Variants in CHMP4B observed in about 807,000 individuals in gnomAD.
The protein encoded by CHMP4B is charged multivesicular body protein 4B, also known as SNF7 homolog associated with Alix 1.
CHMP4B carries 1 observed loss-of-function variant against 25.1 expected under a neutral mutation model. The observed-to-expected ratio is 0.04, with a 90% CI of 0.01 to 0.19. The LOEUF (loss-of-function observed/expected upper bound fraction) is 0.19, where lower values mean the gene tolerates loss of function less well. Ranked by LOEUF, CHMP4B falls within the 10% of genes least tolerant of loss-of-function variation. The pLI is 1.00. For synonymous variants in CHMP4B, 101 were observed against 115.6 expected (o/e 0.87, Z 0.81); for missense variants, 151 against 289.7 (o/e 0.52, Z 3.48).
chr20:33,836,753 G>A (rs974315214), intron 1 of CHMP4B, among the ~76,000 whole-genome samples: 11 of 152,114 alleles, frequency 7.2e-5, no homozygotes, highest in African/African-American at 2.7e-4. Flanking sequence ...AAGTTGCTGG[G>A]CTCTGCCTGG....
At chr20:33,851,110 C>A in intron 3 of CHMP4B, 44 bp downstream of exon 3, 1 of 1,208,948 alleles carries the variant, frequency 8.3e-7, no homozygotes, top group Non-Finnish European at 1.2e-6. Context: ...CAAATGATAC[C>A]CTGAGGCTGT....
At chr20:33,817,624 G>A (rs1238877770) in intron 1 of CHMP4B, among the ~76,000 whole-genome samples, 2 of 152,204 alleles carry the variant, frequency 1.3e-5, no homozygotes, top group African/African-American at 2.4e-5. Flanking sequence ...CCAGAGCCTT[G>A]ACATGAAGCC....
chr20:33,840,803 A>C (rs1229370124), intron 1 of CHMP4B, among the ~76,000 whole-genome samples: 1 of 152,192 alleles, frequency 6.6e-6, no homozygotes, highest in East Asian at 1.9e-4. Flanking sequence ...CAACATTTAC[A>C]TGTCATGCCC....
intron 1 of CHMP4B, among the ~76,000 whole-genome samples, chr20:33,827,048 T>A (rs1979114008): frequency 6.6e-6 from 1 of 152,174 alleles, no homozygotes; most frequent in Non-Finnish European, 1.5e-5. Context: ...TGATCTACTA[T>A]CCCATTCCCA....
rs869195099 is a variant in CHMP4B at position 33,841,723 on chromosome 20, CT to C, written c.191-6738del. On this transcript the variant is annotated intron_variant, in intron 1 of 4. Transcript: ENST00000217402. ...GCCCGATTAGCACCTCTTTCCCATT[CT>C]TTTTTCCCCCCCTTCTATCTGGGGA... 7.9e-5 allele frequency among the ~76,000 whole-genome samples: 12 copies of C among 152,274 alleles called. No homozygotes were observed. The South Asian group carries it at 1.7e-3, about 21-fold the overall frequency.
At chr20:33,815,922 G>A (rs1247584939) in intron 1 of CHMP4B, among the ~76,000 whole-genome samples, 1 of 152,190 alleles carries the variant, frequency 6.6e-6, no homozygotes, top group Non-Finnish European at 1.5e-5. Flanking sequence ...GTGTGGTGCT[G>A]AGTAGGGGAA....
At chr20:33,842,770 C>T (rs1291566083) in intron 1 of CHMP4B, among the ~76,000 whole-genome samples, 1 of 152,194 alleles carries the variant, frequency 6.6e-6, no homozygotes, top group African/African-American at 2.4e-5. Flanking sequence ...ACTCTGGGGT[C>T]TTCAGAAGGA....
At chr20:33,824,582 A>G (rs1270208358) in intron 1 of CHMP4B, among the ~76,000 whole-genome samples, 1 of 152,236 alleles carries the variant, frequency 6.6e-6, no homozygotes, top group Non-Finnish European at 1.5e-5. Flanking sequence ...TCGCTACATC[A>G]ACATTGTGCA....
chr20:33,854,364 A>G lies in CHMP4B; in HGVS notation c.*804A>G, dbSNP rs1290605254. On this transcript the variant is annotated 3_prime_UTR_variant, in exon 5 of 5. Transcript: ENST00000217402. ...CTATTAAATATCTCGATTAATTTTC[A>G]TACTTTGCTGTTGTGTTTAATCTAT... The G allele has an allele frequency of 6.5e-6, 1 of 152,704 alleles. No homozygotes were observed. The highest frequency in any genetic ancestry group is 6.5e-5 in the Admixed American group (1 of 15,290). The allele number at this position is 152,704 out of a possible 1,614,324, so 9.5% of individuals were successfully genotyped here. A position where few individuals can be genotyped will look rare whatever the true frequency, so the allele number is the denominator to read the frequency against.
At chr20:33,853,367 C>G in intron 4 of CHMP4B, 129 bp from the exon 5 acceptor site, 1 of 821,732 alleles carries the variant, frequency 1.2e-6, no homozygotes, top group Non-Finnish European at 2.1e-6. Flanking sequence ...TCCCTACAGC[C>G]TGGAGAGGAG....
At chr20:33,853,446 C>A in intron 4 of CHMP4B, 50 bp from the exon 5 acceptor site, 2 of 1,557,930 alleles carry the variant, frequency 1.3e-6, no homozygotes, top group Non-Finnish European at 1.8e-6. Context: ...CCGGCCAGAA[C>A]ATGTTGAACG....
intron 1 of CHMP4B, among the ~76,000 whole-genome samples, chr20:33,833,094 T>C (rs560196325): frequency 1.4e-4 from 21 of 152,098 alleles, no homozygotes; most frequent in Non-Finnish European, 8.8e-5. Context: ...CAGCCAGAAG[T>C]GATTTGGATT....
chr20:33,840,135 C>T (rs1177010597), intron 1 of CHMP4B, among the ~76,000 whole-genome samples: 1 of 151,882 alleles, frequency 6.6e-6, no homozygotes, highest in East Asian at 1.9e-4. Flanking sequence ...AATCCCAGCT[C>T]CTTGGGAGGC....
intron 1 of CHMP4B, among the ~76,000 whole-genome samples, chr20:33,843,298 C>T (rs993282952): frequency 9.2e-5 from 14 of 152,186 alleles, no homozygotes; most frequent in African/African-American, 3.4e-4. Context: ...TGTAATTACT[C>T]TCTTGGAACT....
In CHMP4B at chr20:33,852,200, C is replaced by T. The variant is rs1185781566; in HGVS notation, c.607C>T (p.Pro203Ser). 6.2e-7 allele frequency: 1 copy of T among 1,614,094 alleles called. No individual in the cohort carries two copies. Among genetic ancestry groups the T allele is most frequent in the Admixed American group, 1.7e-5 (1 of 60,026 alleles). ...TCCCTCTATAGCCCTACCATCAAAA[C>T]CCGGTGAGTGCTTCTAGAGTCATGG... ...NVPSIALPSK[P>S]AKKKEEEDDD... The change falls in exon 4 of 5, where the codon CCC (proline) becomes TCC (serine). Residue 203 changes from proline to serine, a missense_variant. Transcript: ENST00000217402.
At chr20:33,841,968 A>C (rs543144236) in intron 1 of CHMP4B, among the ~76,000 whole-genome samples, 1 of 152,222 alleles carries the variant, frequency 6.6e-6, no homozygotes, top group African/African-American at 2.4e-5. Context: ...AAACCTGGGT[A>C]CTAGTCCTGG....
chr20:33,812,474 A>G (rs1978658370), intron 1 of CHMP4B, among the ~76,000 whole-genome samples: 1 of 152,202 alleles, frequency 6.6e-6, no homozygotes, highest in African/African-American at 2.4e-5. Flanking sequence ...TCAGGGCCCC[A>G]GTATTGAATC....
chr20:33,839,830 G>T (rs1319332138), intron 1 of CHMP4B, among the ~76,000 whole-genome samples: 8 of 152,210 alleles, frequency 5.3e-5, no homozygotes, highest in Non-Finnish European at 7.3e-5. Flanking sequence ...CTGCCTAACT[G>T]TATGACTTGG....
At chr20:33,812,852 T>C (rs1978673543) in intron 1 of CHMP4B, among the ~76,000 whole-genome samples, 1 of 152,232 alleles carries the variant, frequency 6.6e-6, no homozygotes, top group Admixed American at 6.5e-5. Context: ...TGGAGGATGC[T>C]TCTCTGCTGA....
Sources: gnomAD v4.1 joint callset for allele counts (sites outside exome capture counted in the v4.1 genomes callset) on GRCh38, gnomAD v4.1.1 for gene constraint, MANE v1.5 for transcripts, NCBI Gene and HGNC (gene_info 2026-07-23, HGNC 2026-07-21) for gene names.